PCDHA5: variants seen among roughly 807,000 people sequenced by gnomAD.
PCDHA5 encodes the protein protocadherin alpha-5.
PCDHA5 carries 43 observed loss-of-function variants against 61.6 expected under a neutral mutation model. The observed-to-expected ratio is 0.70, with a 90% CI of 0.55 to 0.90. PCDHA5 has a LOEUF of 0.90. Among genes scored for constraint, PCDHA5 ranks in the 40% least tolerant of loss-of-function variants. The probability of loss-of-function intolerance (pLI) is 0.00; values close to 1 mark genes in which losing one functional copy is unlikely to be tolerated. For synonymous variants in PCDHA5, 627 were observed against 543.9 expected (o/e 1.15, Z -2.13); for missense variants, 1,298 against 1,222.7 (o/e 1.06, Z -0.92).
chr5:140,946,611 A>AATATATAGATATATATATATAT (rs2093974557), intron 1 of PCDHA5, among the ~76,000 whole-genome samples: 1 of 86,814 alleles, frequency 1.2e-5, no homozygotes, highest in Non-Finnish European at 2.1e-5. Context: ...GAAAATGTGA[A>AATATATAGATATATATATATAT]ATATATATAT....
intron 1 of PCDHA5, among the ~76,000 whole-genome samples, chr5:140,938,203 C>T (rs1181415730): frequency 6.6e-6 from 1 of 152,146 alleles, no homozygotes; most frequent in Non-Finnish European, 1.5e-5. Flanking sequence ...ACGCCAGCCT[C>T]CCAAAGTGCT....
At chr5:140,879,653 AACAAACGAAC>A (rs1168940497) in intron 1 of PCDHA5, among the ~76,000 whole-genome samples, 1 of 152,232 alleles carries the variant, frequency 6.6e-6, no homozygotes, top group African/African-American at 2.4e-5. Flanking sequence ...TGGCTGCTAT[AACAAACGAAC>A]ACAAACTGGG....
chr5:140,874,487 G>T (rs1194886650), intron 1 of PCDHA5, among the ~76,000 whole-genome samples: 11 of 152,214 alleles, frequency 7.2e-5, no homozygotes, highest in African/African-American at 2.2e-4. Flanking sequence ...GCAAAAGGTT[G>T]ATATCAAGTT....
intron 1 of PCDHA5, chr5:140,853,991 C>A: frequency 2.1e-6 from 1 of 473,788 alleles, no homozygotes; most frequent in Non-Finnish European, 2.8e-6. Context: ...TAGTGAGACT[C>A]ATCTCTGCCA....
chr5:140,929,440 CCTT>C, intron 1 of PCDHA5: 2 of 1,448,524 alleles, frequency 1.4e-6, no homozygotes, highest in Non-Finnish European at 1.8e-6. Flanking sequence ...ACTAAACACT[CCTT>C]CTTAGCACTT....
rs2150380022 is a variant in PCDHA5, at chr5:140,845,577, T to A, written c.2352+21450T>A. 1.2e-4 allele frequency among the ~76,000 whole-genome samples: 18 copies of A among 149,706 alleles called. 1 individual carries two copies. The highest frequency in any genetic ancestry group is 6.9e-3 in the Middle Eastern group (2 of 290). On this transcript the variant is annotated intron_variant, in intron 1 of 3. Transcript: ENST00000529859. The stretch of plus-strand genomic sequence containing the variant: ...TTTTAGCTATTAAGAATTTCTGGGA[T>A]TGAAATGTGTCAGAAGTTAGTTATT...
intron 1 of PCDHA5, among the ~76,000 whole-genome samples, chr5:140,893,033 A>G (rs1246631946): frequency 1.3e-5 from 2 of 152,230 alleles, no homozygotes; most frequent in African/African-American, 2.4e-5. Flanking sequence ...TTCACTTAAC[A>G]TATGCCCTCC....
chr5:140,872,667 A>G (rs2053828539), intron 1 of PCDHA5, among the ~76,000 whole-genome samples: 1 of 152,186 alleles, frequency 6.6e-6, no homozygotes, highest in African/African-American at 2.4e-5. Flanking sequence ...CAACTATTGG[A>G]TACTCAAACA....
intron 1 of PCDHA5, chr5:140,882,711 C>T (rs1554175311): frequency 6.2e-7 from 1 of 1,614,160 alleles, no homozygotes; most frequent in Non-Finnish European, 8.5e-7. Context: ...TCTAGACCTC[C>T]GGAAACTCGA....
At chr5:140,845,448 T>C (rs1375604335) in intron 1 of PCDHA5, among the ~76,000 whole-genome samples, 1 of 149,710 alleles carries the variant, frequency 6.7e-6, no homozygotes, top group Non-Finnish European at 1.5e-5. Context: ...CTGTTTTTCT[T>C]CAACTCTCTG....
At chr5:140,993,462 TCACACACACACACACACACACA>T (rs3836747) in intron 3 of PCDHA5, among the ~76,000 whole-genome samples, 6 of 141,044 alleles carry the variant, frequency 4.3e-5, no homozygotes, top group East Asian at 4.2e-4. Context: ...TCTTTCTTTC[TCACACACACACACACACACACA>T]CACACACACA....
At position 140,874,324 on chromosome 5, in the gene PCDHA5, C is replaced by A. The variant is rs1369470009; in HGVS notation, c.2352+50197C>A. On this transcript the variant is annotated intron_variant, in intron 1 of 3. Transcript: ENST00000529859. Reference sequence around the variant, plus strand: ...TTCACAATGAGTTGTAGGATCTTATCTGTTTTTTTCTCTTAAAGCTGATCT... The same window carrying A: ...TTCACAATGAGTTGTAGGATCTTATATGTTTTTTTCTCTTAAAGCTGATCT... Among the ~76,000 whole-genome samples the A allele has an allele frequency of 2.6e-5, 4 of 151,652 alleles. No individual in the cohort carries two copies. In the East Asian group the frequency reaches 7.7e-4, roughly 29 times the overall value.
At chr5:140,909,624 G>A (rs2074611325) in intron 1 of PCDHA5, among the ~76,000 whole-genome samples, 1 of 152,092 alleles carries the variant, frequency 6.6e-6, no homozygotes, top group African/African-American at 2.4e-5. Context: ...GCTCTAATTG[G>A]TCTTCCTATT....
intron 1 of PCDHA5, among the ~76,000 whole-genome samples, chr5:140,971,134 G>A (rs1387380195): frequency 6.6e-6 from 1 of 152,170 alleles, no homozygotes; most frequent in African/African-American, 2.4e-5. Context: ...GTGGTGAAGA[G>A]GCATGAACAA....
At chr5:140,927,076 C>T (rs142317713) in intron 1 of PCDHA5, 7 of 1,611,008 alleles carry the variant, frequency 4.3e-6, no homozygotes, top group Non-Finnish European at 5.1e-6. Context: ...TTCCAGCCAC[C>T]GCGAGCTCTA....
intron 1 of PCDHA5, among the ~76,000 whole-genome samples, chr5:140,826,878 A>G (rs1769091228): frequency 6.6e-6 from 1 of 152,188 alleles, no homozygotes; most frequent in Non-Finnish European, 1.5e-5. Flanking sequence ...AATTCAATGA[A>G]AGCTGTACTC....
At chr5:140,826,394 A>G (rs1158338213) in intron 1 of PCDHA5, among the ~76,000 whole-genome samples, 1 of 152,202 alleles carries the variant, frequency 6.6e-6, no homozygotes, top group African/African-American at 2.4e-5. Flanking sequence ...GAACTACTAA[A>G]TAGATCCAGG....
chr5:140,836,539 C>T (rs782621405), intron 1 of PCDHA5: 2 of 1,613,800 alleles, frequency 1.2e-6, no homozygotes, highest in South Asian at 1.1e-5. Flanking sequence ...CTGCTGTACA[C>T]GGCGTTGCGG....
At chr5:140,876,274 G>C (rs1554168448) in intron 1 of PCDHA5, 8 of 1,613,990 alleles carry the variant, frequency 5.0e-6, no homozygotes, top group Non-Finnish European at 6.8e-6. Context: ...AAATGCTTCC[G>C]ATCCAGACGA....
Sources: gnomAD v4.1 joint callset for allele counts (sites outside exome capture counted in the v4.1 genomes callset) on GRCh38, gnomAD v4.1.1 for gene constraint, MANE v1.5 for transcripts, NCBI Gene and HGNC (gene_info 2026-07-23, HGNC 2026-07-21) for gene names.